Variants in PTPN4 observed in about 807,000 individuals in gnomAD.
PTPN4 encodes the protein protein tyrosine phosphatase non-receptor type 4, also known as tyrosine-protein phosphatase non-receptor type 4.
In PTPN4, 49 loss-of-function variants were observed where a neutral mutation model predicts 135.5. That is an observed-to-expected ratio of 0.36 (90% CI 0.29 to 0.46). The LOEUF (loss-of-function observed/expected upper bound fraction) is 0.46, where lower values mean the gene tolerates loss of function less well. Among genes scored for constraint, PTPN4 ranks in the 20% least tolerant of loss-of-function variants. The probability of loss-of-function intolerance (pLI) is 1.00; values close to 1 mark genes in which losing one functional copy is unlikely to be tolerated. For synonymous variants in PTPN4, 333 were observed against 369.9 expected (o/e 0.90, Z 1.14); for missense variants, 860 against 1,101.0 (o/e 0.78, Z 3.10).
At chr2:119,821,866 T>C (rs1314410958) in intron 2 of PTPN4, among the ~76,000 whole-genome samples, 1 of 152,220 alleles carries the variant, frequency 6.6e-6, no homozygotes, top group African/African-American at 2.4e-5. Context: ...CTCAGAGTTT[T>C]GAAAATATTG....
intron 1 of PTPN4, among the ~76,000 whole-genome samples, chr2:119,771,987 G>C (rs1391143000): frequency 6.6e-6 from 1 of 152,120 alleles, no homozygotes; most frequent in African/African-American, 2.4e-5. Flanking sequence ...ATAAAATGAA[G>C]GAGTTTTCCA....
chr2:119,806,724 A>C (rs1691477465), intron 1 of PTPN4, among the ~76,000 whole-genome samples: 1 of 152,174 alleles, frequency 6.6e-6, no homozygotes, highest in African/African-American at 2.4e-5. Context: ...CACCAAGCGG[A>C]CCTAATAGAC....
At chr2:119,762,351 T>A (rs1030583201) in intron 1 of PTPN4, among the ~76,000 whole-genome samples, 6 of 152,136 alleles carry the variant, frequency 3.9e-5, no homozygotes, top group Non-Finnish European at 7.4e-5. Context: ...CTTTTTTTTT[T>A]AACTTGTATG....
At chr2:119,825,495 C>CTTTTT (rs891070534) in intron 2 of PTPN4, among the ~76,000 whole-genome samples, 1 of 129,304 alleles carries the variant, frequency 7.7e-6, no homozygotes, top group Non-Finnish European at 1.6e-5. Context: ...GAACCCAAGC[C>CTTTTT]TTTTTTTTTT....
intron 2 of PTPN4, among the ~76,000 whole-genome samples, chr2:119,846,740 C>A (rs1175284930): frequency 6.6e-6 from 1 of 151,618 alleles, no homozygotes; most frequent in Non-Finnish European, 1.5e-5. Context: ...CATTTCAATT[C>A]CTTTAATGGT....
Position 119,915,173 on chromosome 2 carries a change from G to T in PTPN4, c.765-6G>T. Reference sequence around the variant, plus strand: ...TACTTTGAATAATTTATTGTCTTTTGTCCAGGTTGAAGATTGTAAAAATTT... The same window carrying T: ...TACTTTGAATAATTTATTGTCTTTTTTCCAGGTTGAAGATTGTAAAAATTT... On this transcript the variant is annotated splice_polypyrimidine_tract_variant and splice_region_variant and intron_variant, in intron 10 of 26. Coordinates refer to ENST00000263708, the MANE Select transcript of PTPN4 (RefSeq NM_002830.4). 1 of 1,520,640 alleles carries T rather than the reference G, an allele frequency of 6.6e-7. No individual in the cohort carries two copies. The highest frequency in any genetic ancestry group is 8.8e-7 in the Non-Finnish European group (1 of 1,135,150). The allele number at this position is 1,520,640 out of a possible 1,614,324, so 94.2% of individuals were successfully genotyped here.
chr2:119,762,849 A>G (rs1029898710), intron 1 of PTPN4, among the ~76,000 whole-genome samples: 1 of 152,092 alleles, frequency 6.6e-6, no homozygotes, highest in Non-Finnish European at 1.5e-5. Context: ...GGGTTATTGC[A>G]TGTTATGAAG....
At position 119,840,264 on chromosome 2, in the gene PTPN4, C is replaced by G. The variant is rs376404801; in HGVS notation, c.139-22272C>G. 3.3e-4 allele frequency among the ~76,000 whole-genome samples: 51 copies of G among 152,326 alleles called. No homozygotes were observed. The South Asian group carries it at 0.01, about 30-fold the overall frequency. ...ATTCTTGATACTCTCCTTCCTCCCA[C>G]CTCCCACCCTCTCACAGGTCTCACA... On this transcript the variant is annotated intron_variant, in intron 2 of 26. Coordinates refer to ENST00000263708, the MANE Select transcript of PTPN4 (RefSeq NM_002830.4).
chr2:119,883,989 TC>T (rs1423675833), intron 8 of PTPN4, among the ~76,000 whole-genome samples: 1 of 152,336 alleles, frequency 6.6e-6, no homozygotes, highest in Non-Finnish European at 1.5e-5. Flanking sequence ...AAGCTCCGCC[TC>T]CCGGGTTCAT....
chr2:119,915,130 ATT>A, intron 10 of PTPN4, 47 bp from the exon 11 acceptor site: 1 of 1,395,748 alleles, frequency 7.2e-7, no homozygotes, highest in Non-Finnish European at 9.6e-7. Context: ...ATTTGTTAAT[ATT>A]TTTATCATTA....
At chr2:119,944,880 A>T (rs182639205) in intron 15 of PTPN4, among the ~76,000 whole-genome samples, 1 of 152,188 alleles carries the variant, frequency 6.6e-6, no homozygotes, top group East Asian at 1.9e-4. Flanking sequence ...ATTTTATTAT[A>T]TAATTGTTTA....
At position 119,885,833 on chromosome 2, in the gene PTPN4, A is replaced by G. The variant is rs753868954; in HGVS notation, c.626A>G (p.Asn209Ser). The change falls in exon 9 of 27, where the codon AAC (asparagine) becomes AGC (serine). Residue 209 changes from asparagine to serine, a missense_variant. Coordinates refer to ENST00000263708, the MANE Select transcript of PTPN4 (RefSeq NM_002830.4). ...GCAGAAGCAGAATTTAATTACCTAA[A>G]CACAGCACGTACCTTAGAACTCTAT... ...SPAEAEFNYL[N>S]TARTLELYGV... is the part of the protein sequence containing the mutation. 6.2e-7 allele frequency: 1 copy of G among 1,605,844 alleles called. No homozygotes were observed. The highest frequency in any genetic ancestry group is 8.5e-7 in the Non-Finnish European group (1 of 1,177,214).
At chr2:119,766,229 A>G (rs181288342) in intron 1 of PTPN4, among the ~76,000 whole-genome samples, 1 of 152,178 alleles carries the variant, frequency 6.6e-6, no homozygotes, top group Non-Finnish European at 1.5e-5. Context: ...AGTTGGGAAA[A>G]GGATTGGGAA....
intron 22 of PTPN4, among the ~76,000 whole-genome samples, chr2:119,958,198 A>G (rs1188956708): frequency 6.6e-6 from 1 of 151,944 alleles, no homozygotes; most frequent in Non-Finnish European, 1.5e-5. Context: ...ATTAGCAGTC[A>G]TGGTGGTGCA....
chr2:119,805,460 T>C (rs1038386084), intron 1 of PTPN4, among the ~76,000 whole-genome samples: 1 of 152,220 alleles, frequency 6.6e-6, no homozygotes, highest in Non-Finnish European at 1.5e-5. Flanking sequence ...CTTGAATTAA[T>C]TTTTGTATAA....
At chr2:119,829,449 CAG>C (rs1677189438) in intron 2 of PTPN4, among the ~76,000 whole-genome samples, 1 of 152,206 alleles carries the variant, frequency 6.6e-6, no homozygotes, top group South Asian at 2.1e-4. Context: ...TTTTGCCAAA[CAG>C]AAACTCTAGC....
rs529607775 is a variant in PTPN4 at position 119,979,678 on chromosome 2, T to C, written c.*2608T>C. The C allele has an allele frequency of 6.6e-6, 1 of 152,150 alleles. No homozygotes were observed. The highest frequency in any genetic ancestry group is 6.6e-5 in the Admixed American group (1 of 15,264). The allele number at this position is 152,150 out of a possible 1,614,324, so 9.4% of individuals were successfully genotyped here. On this transcript the variant is annotated 3_prime_UTR_variant, in exon 27 of 27. Transcript: ENST00000263708. ...CTAGCTTTCATACACCATGTAGTTCTAGACTCCGTCCATATCAGTGTAACA... is the reference window on the plus strand; with the variant it reads ...CTAGCTTTCATACACCATGTAGTTCCAGACTCCGTCCATATCAGTGTAACA...
chr2:119,841,259 C>T (rs2104970418), intron 2 of PTPN4, among the ~76,000 whole-genome samples: 1 of 152,032 alleles, frequency 6.6e-6, no homozygotes, highest in East Asian at 1.9e-4. Flanking sequence ...AGTTAAAAAC[C>T]CTTGTGCTTA....
At chr2:119,920,024 C>A in intron 11 of PTPN4, 45 bp from the exon 12 acceptor site, 2 of 1,559,216 alleles carry the variant, frequency 1.3e-6, no homozygotes, top group Non-Finnish European at 1.7e-6. Context: ...AGCATTAGAT[C>A]CTGACATTTT....
Sources: allele counts gnomAD v4.1 joint callset (sites outside exome capture counted in the v4.1 genomes callset), GRCh38; gene constraint gnomAD v4.1.1; transcripts MANE v1.5; gene names NCBI Gene and HGNC (gene_info 2026-07-23, HGNC 2026-07-21).